Variants in UNC5C observed in about 807,000 individuals in gnomAD.
UNC5C encodes the protein unc-5 netrin receptor C, also known as netrin receptor UNC5C.
Under a neutral mutation model 99.8 loss-of-function variants are expected in UNC5C, and 47 were observed. The ratio of observed to expected loss-of-function variants is 0.47; its 90% CI spans 0.37 to 0.60. The LOEUF is 0.60. Among genes scored for constraint, UNC5C ranks in the 20% least tolerant of loss-of-function variants. The pLI, the probability that UNC5C is intolerant of heterozygous loss-of-function variation, is 0.00. For synonymous variants in UNC5C, 487 were observed against 452.2 expected (o/e 1.08, Z -0.98); for missense variants, 1,062 against 1,165.9 (o/e 0.91, Z 1.30).
intron 2 of UNC5C, among the ~76,000 whole-genome samples, chr4:95,312,075 A>T (rs1742297116): frequency 6.6e-6 from 1 of 150,726 alleles, no homozygotes; most frequent in Non-Finnish European, 1.5e-5. Context: ...CAAAAACAAC[A>T]ACAACAAAAA....
At chr4:95,290,149 T>C (rs182095681) in intron 3 of UNC5C, among the ~76,000 whole-genome samples, 1 of 151,812 alleles carries the variant, frequency 6.6e-6, no homozygotes, top group Non-Finnish European at 1.5e-5. Flanking sequence ...CTACAAAAAA[T>C]AGAAAAACTA....
intron 1 of UNC5C, among the ~76,000 whole-genome samples, chr4:95,546,625 G>A (rs1444200767): frequency 1.3e-5 from 2 of 152,148 alleles, no homozygotes; most frequent in African/African-American, 4.8e-5. Context: ...TACACCCAAC[G>A]GAGTACATTT....
intron 1 of UNC5C, among the ~76,000 whole-genome samples, chr4:95,431,314 G>T (rs948191765): frequency 1.3e-5 from 2 of 151,986 alleles, no homozygotes; most frequent in Non-Finnish European, 2.9e-5. Context: ...GAATCATCTC[G>T]AAAGCCTGTT....
At chr4:95,261,855 C>G (rs1157887523) in intron 4 of UNC5C, among the ~76,000 whole-genome samples, 1 of 152,146 alleles carries the variant, frequency 6.6e-6, no homozygotes, top group Non-Finnish European at 1.5e-5. Flanking sequence ...AGGGGCATGC[C>G]ACGATGCCCA....
chr4:95,502,522 C>T (rs1337173104), intron 1 of UNC5C, among the ~76,000 whole-genome samples: 4 of 152,266 alleles, frequency 2.6e-5, no homozygotes, highest in Non-Finnish European at 5.9e-5. Flanking sequence ...GGCCTCCAGC[C>T]TCAGCCTCCC....
At chr4:95,539,784 A>G (rs1436179753) in intron 1 of UNC5C, among the ~76,000 whole-genome samples, 1 of 152,142 alleles carries the variant, frequency 6.6e-6, no homozygotes, top group Non-Finnish European at 1.5e-5. Flanking sequence ...AAATATTTCC[A>G]TATTTATTTA....
At chr4:95,310,589 A>G (rs1416216550) in intron 2 of UNC5C, among the ~76,000 whole-genome samples, 1 of 152,214 alleles carries the variant, frequency 6.6e-6, no homozygotes, top group Non-Finnish European at 1.5e-5. Context: ...GGCTAAATTT[A>G]TTCAAAAGTT....
chr4:95,332,716 C>T (rs113151352), intron 2 of UNC5C, among the ~76,000 whole-genome samples: 25,881 of 148,280 alleles, frequency 0.17, 2,426 homozygotes, highest in African/African-American at 0.21. Flanking sequence ...CCAAAATTGA[C>T]AAATGGGATC....
chr4:95,494,973 G>C (rs1560484120), intron 1 of UNC5C, among the ~76,000 whole-genome samples: 1 of 151,282 alleles, frequency 6.6e-6, no homozygotes, highest in East Asian at 1.9e-4. Context: ...TTGGAAGTAG[G>C]ATTTATTTCT....
intron 1 of UNC5C, among the ~76,000 whole-genome samples, chr4:95,487,018 CT>C (rs1300246710): frequency 6.6e-6 from 1 of 151,678 alleles, no homozygotes. Context: ...ACTCTTTGGC[CT>C]TTTCCCATGG....
intron 7 of UNC5C, among the ~76,000 whole-genome samples, chr4:95,224,376 C>T (rs891799425): frequency 3.9e-5 from 6 of 152,198 alleles, no homozygotes; most frequent in Non-Finnish European, 5.9e-5. Flanking sequence ...CTAGGTATCA[C>T]GTGGTCCGAA....
intron 1 of UNC5C, among the ~76,000 whole-genome samples, chr4:95,451,109 T>C (rs999905816): frequency 4.6e-5 from 7 of 152,224 alleles, no homozygotes; most frequent in African/African-American, 1.7e-4. Flanking sequence ...TGAGCATCAC[T>C]AGTAGAGTGT....
At chr4:95,490,002 C>A (rs1403972071) in intron 1 of UNC5C, among the ~76,000 whole-genome samples, 1 of 151,160 alleles carries the variant, frequency 6.6e-6, no homozygotes, top group Non-Finnish European at 1.5e-5. Flanking sequence ...AACCATGGCA[C>A]ACAACTGGGG....
chr4:95,361,365 G>A (rs1345293393), intron 1 of UNC5C, among the ~76,000 whole-genome samples: 4 of 152,108 alleles, frequency 2.6e-5, no homozygotes, highest in East Asian at 1.9e-4. Context: ...TTCTGCATGC[G>A]TTCAACTCAA....
chr4:95,364,440 C>A (rs2149436195), intron 1 of UNC5C, among the ~76,000 whole-genome samples: 1 of 152,272 alleles, frequency 6.6e-6, no homozygotes, highest in Non-Finnish European at 1.5e-5. Context: ...TAAAGCATTT[C>A]ACTTTATCTT....
chr4:95,482,160 A>C (rs1327257920), intron 1 of UNC5C, among the ~76,000 whole-genome samples: 1 of 152,090 alleles, frequency 6.6e-6, no homozygotes, highest in Non-Finnish European at 1.5e-5. Context: ...ACAAATTTAC[A>C]AGAAAAAAAC....
chr4:95,302,581 A>T (rs1209376754), intron 2 of UNC5C, among the ~76,000 whole-genome samples: 1 of 152,198 alleles, frequency 6.6e-6, no homozygotes, highest in East Asian at 1.9e-4. Context: ...TATGTGGGCA[A>T]CTGCCAGTTC....
intron 7 of UNC5C, among the ~76,000 whole-genome samples, chr4:95,231,479 T>C (rs138195207): frequency 2.0e-3 from 300 of 152,276 alleles, no homozygotes; most frequent in African/African-American, 6.9e-3. Context: ...ATTTATCTAC[T>C]CTAAGTCCAC....
At chr4:95,470,711 G>C (rs1175952310) in intron 1 of UNC5C, among the ~76,000 whole-genome samples, 1 of 152,052 alleles carries the variant, frequency 6.6e-6, no homozygotes, top group Non-Finnish European at 1.5e-5. Context: ...TACTTAACAA[G>C]CATTTATAAC....
Sources: allele counts gnomAD v4.1 joint callset (sites outside exome capture counted in the v4.1 genomes callset), GRCh38; gene constraint gnomAD v4.1.1; transcripts MANE v1.5; gene names NCBI Gene and HGNC (gene_info 2026-07-23, HGNC 2026-07-21).